The following ART3 variants were observed in gnomAD, a reference collection of about 807,000 sequenced individuals.
ART3 encodes ecto-ADP-ribosyltransferase 3.
ART3 carries 49 observed loss-of-function variants against 48.5 expected under a neutral mutation model. The observed-to-expected ratio is 1.01, with a 90% CI of 0.80 to 1.28. ART3 has a LOEUF of 1.28. ART3 is among the 50% of genes most tolerant of loss of function. The probability of loss-of-function intolerance (pLI) is 0.00; values close to 1 mark genes in which losing one functional copy is unlikely to be tolerated. For synonymous variants in ART3, 145 were observed against 157.2 expected, an observed-to-expected ratio of 0.92 and a Z score of 0.58; for missense variants, 438 against 454.3, an observed-to-expected ratio of 0.96 and a Z score of 0.33.
intron 1 of ART3, among the ~76,000 whole-genome samples, chr4:76,025,950 C>A (rs368970255): frequency 2.8e-4 from 43 of 151,934 alleles, no homozygotes; most frequent in African/African-American, 1.0e-3. Context: ...ATTTAAAAAA[C>A]GTAAGTGATC....
At chr4:76,030,916 A>G (rs1377946007) in intron 1 of ART3, among the ~76,000 whole-genome samples, 1 of 152,152 alleles carries the variant, frequency 6.6e-6, no homozygotes, top group African/African-American at 2.4e-5. Flanking sequence ...GCTGTTGTGT[A>G]TAATGCTGCT....
intron 1 of ART3, among the ~76,000 whole-genome samples, chr4:76,064,055 G>A (rs1314440378): frequency 2.0e-5 from 3 of 152,152 alleles, no homozygotes; most frequent in Non-Finnish European, 4.4e-5. Flanking sequence ...TAAAACCACT[G>A]TAGAGTACAA....
intron 1 of ART3, among the ~76,000 whole-genome samples, chr4:76,038,736 T>TTTAC (rs1185094188): frequency 1.8e-4 from 23 of 125,432 alleles, no homozygotes; most frequent in African/African-American, 6.8e-4. Flanking sequence ...TATTTATTTA[T>TTTAC]CTTTGAGATG....
At chr4:76,029,934 A>C (rs1733722731) in intron 1 of ART3, among the ~76,000 whole-genome samples, 1 of 152,038 alleles carries the variant, frequency 6.6e-6, no homozygotes, top group Non-Finnish European at 1.5e-5. Context: ...TCATATCCCT[A>C]TTTCTGTTAG....
At chr4:76,100,689 G>A in intron 6 of ART3, 106 bp from the exon 7 acceptor site, 3 of 1,322,294 alleles carry the variant, frequency 2.3e-6, no homozygotes, top group South Asian at 1.3e-5. Flanking sequence ...CCCTTTACAG[G>A]TGGGAATATT....
At chr4:76,087,693 T>C (rs562650032) in intron 3 of ART3, among the ~76,000 whole-genome samples, 1 of 152,310 alleles carries the variant, frequency 6.6e-6, no homozygotes, top group South Asian at 2.1e-4. Flanking sequence ...CTGAAAACTT[T>C]GTTCGTTAGG....
intron 5 of ART3, 160 bp downstream of exon 5, chr4:76,099,147 C>G (rs1726701716): frequency 1.5e-6 from 1 of 654,864 alleles, no homozygotes; most frequent in East Asian, 3.2e-5. Flanking sequence ...ACAAAAAATA[C>G]AAAACTTAGC....
chr4:76,100,562 T>C (rs1052891904), intron 6 of ART3, among the ~76,000 whole-genome samples: 1 of 145,710 alleles, frequency 6.9e-6, no homozygotes, highest in African/African-American at 2.6e-5. Context: ...ACCAGGGAGC[T>C]GGAGGTTGCA....
At chr4:76,091,036 C>T (rs1209020155) in intron 3 of ART3, among the ~76,000 whole-genome samples, 2 of 152,196 alleles carry the variant, frequency 1.3e-5, no homozygotes, top group Non-Finnish European at 2.9e-5. Flanking sequence ...TGGCTTCTTT[C>T]ACTCGGCATA....
intron 1 of ART3, chr4:76,057,847 A>G (rs1718836911): frequency 1.3e-5 from 2 of 152,236 alleles, no homozygotes; most frequent in African/African-American, 4.8e-5. Flanking sequence ...CTGTGAAGCA[A>G]TCTCTGTTAC....
At chr4:76,111,068 T>C (rs1729385234) in intron 11 of ART3, among the ~76,000 whole-genome samples, 1 of 152,218 alleles carries the variant, frequency 6.6e-6, no homozygotes, top group Non-Finnish European at 1.5e-5. Context: ...TAATACATAC[T>C]GTATCATTGT....
At chr4:76,097,374 TA>T (rs199805461) in intron 3 of ART3, among the ~76,000 whole-genome samples, 1,643 of 147,284 alleles carry the variant, frequency 0.011, 19 homozygotes, top group African/African-American at 0.037. Context: ...CTGGCTAATT[TA>T]AAAAAAAAAA....
At chr4:76,067,541 TAACAGAG>T (rs1325307764) in intron 1 of ART3, among the ~76,000 whole-genome samples, 2 of 152,240 alleles carry the variant, frequency 1.3e-5, no homozygotes, top group Non-Finnish European at 1.5e-5. Flanking sequence ...CAGCTAGAAC[TAACAGAG>T]AACAGAGAAC....
intron 3 of ART3, among the ~76,000 whole-genome samples, chr4:76,095,983 C>T (rs930584348): frequency 9.9e-5 from 15 of 151,938 alleles, no homozygotes; most frequent in African/African-American, 2.9e-4. Flanking sequence ...GGTGCAGTGG[C>T]GCAATCTTGG....
chr4:76,011,226 C>G (rs1216966064), exon 1 of ART3: 1 of 152,460 alleles, frequency 6.6e-6, no homozygotes, highest in African/African-American at 2.4e-5. Context: ...CCGGAGGTCT[C>G]GACGCTCGCT....
intron 2 of ART3, among the ~76,000 whole-genome samples, 176 bp downstream of exon 2, chr4:76,076,134 A>G (rs1216196472): frequency 1.3e-5 from 2 of 151,634 alleles, no homozygotes; most frequent in Non-Finnish European, 2.9e-5. Flanking sequence ...CCTCCCCAGT[A>G]GCTAGGACTA....
intron 1 of ART3, among the ~76,000 whole-genome samples, chr4:76,063,502 T>C (rs1338287994): frequency 1.3e-5 from 2 of 152,176 alleles, no homozygotes; most frequent in Non-Finnish European, 2.9e-5. Flanking sequence ...GCTTATAATC[T>C]GTAGTTAGGA....
chr4:76,094,276 A>G (rs1043755050), intron 3 of ART3, among the ~76,000 whole-genome samples: 1 of 152,186 alleles, frequency 6.6e-6, no homozygotes, highest in Non-Finnish European at 1.5e-5. Context: ...TTTTGGACAC[A>G]TGGAATACAG....
intron 1 of ART3, among the ~76,000 whole-genome samples, chr4:76,053,019 G>A (rs1736285939): frequency 6.6e-6 from 1 of 152,112 alleles, no homozygotes; most frequent in Non-Finnish European, 1.5e-5. Flanking sequence ...ATGAGCCCCT[G>A]CACCCAGCTG....
Sources: gnomAD v4.1 joint callset for allele counts (sites outside exome capture counted in the v4.1 genomes callset) on GRCh38, gnomAD v4.1.1 for gene constraint, MANE v1.5 for transcripts, NCBI Gene and HGNC (gene_info 2026-07-23, HGNC 2026-07-21) for gene names.